RNF212: variants seen among roughly 807,000 people sequenced by gnomAD.
RNF212 encodes ring finger protein 212.
Under a neutral mutation model 34.7 loss-of-function variants are expected in RNF212, and 33 were observed. The ratio of observed to expected loss-of-function variants is 0.95; its 90% CI spans 0.72 to 1.27. RNF212 has a LOEUF of 1.27. Among genes scored for constraint, RNF212 ranks in the 50% most tolerant of loss-of-function variants. The probability of loss-of-function intolerance (pLI) is 0.00; values close to 1 mark genes in which losing one functional copy is unlikely to be tolerated. For missense variants in RNF212, 377 were observed against 362.2 expected, an observed-to-expected ratio of 1.04 and a Z score of -0.33; for synonymous variants, 140 against 136.1, an observed-to-expected ratio of 1.03 and a Z score of -0.20.
downstream of RNF212, among the ~76,000 whole-genome samples, chr4:1,069,384 T>TG (rs898766603): frequency 6.6e-6 from 1 of 152,108 alleles, no homozygotes; most frequent in Non-Finnish European, 1.5e-5. Context: ...GGTTGATTGT[T>TG]GGGGGGTGAG....
chr4:1,091,971 T>C lies in RNF212; in HGVS notation c.247-1133A>G, dbSNP rs1394296196. ...CCCTGACCCCAGCTCTTGTGCACAT[T>C]GCAGGCCATGGCCAGGGCACCTTTC... is the stretch of plus-strand genomic sequence containing the variant. On this transcript the variant is annotated intron_variant, in intron 3 of 9. Transcript: ENST00000433731. Among the ~76,000 whole-genome samples the C allele has an allele frequency of 3.3e-5, 5 of 152,176 alleles. No homozygotes were observed. In the East Asian group the frequency reaches 7.7e-4, roughly 23 times the overall value.
rs749217008 is a variant in RNF212, at chr4:1,096,745, C to T, written c.246+20G>A. 1 of 1,586,372 alleles carries T rather than the reference C, an allele frequency of 6.3e-7. No homozygotes were observed. Among genetic ancestry groups the T allele is most frequent in the South Asian group, 1.1e-5 (1 of 90,332 alleles). ...GCACCTGGCTCATCACGGAACCAAG[C>T]CACACCCCTCACAGCTCACCTGGGA... On this transcript the variant is annotated intron_variant, in intron 3 of 9. Coordinates refer to ENST00000433731, the MANE Select transcript of RNF212 (RefSeq NM_001131034.4).
intron 8 of RNF212, 41 bp from the exon 9 acceptor site, chr4:1,073,703 T>G: frequency 7.0e-7 from 1 of 1,432,940 alleles, no homozygotes; most frequent in Non-Finnish European, 9.8e-7. Context: ...AATTCCAATA[T>G]TGCGGCTTAC....
intron 4 of RNF212, among the ~76,000 whole-genome samples, chr4:1,057,634 T>C (rs1159688510): frequency 2.0e-5 from 3 of 152,150 alleles, no homozygotes; most frequent in Admixed American, 6.5e-5. Context: ...CCAAACATAT[T>C]TACTACCTGC....
chr4:1,101,593 T>C, intron 2 of RNF212: 1 of 164,438 alleles, frequency 6.1e-6, no homozygotes, highest in Admixed American at 6.1e-5. Flanking sequence ...GGTCAATAGT[T>C]ATAGAAAAAT....
chr4:1,097,240 G>C (rs750089566), intron 2 of RNF212, among the ~76,000 whole-genome samples: 5 of 152,192 alleles, frequency 3.3e-5, no homozygotes, highest in Admixed American at 6.5e-5. Flanking sequence ...CCACTATGTA[G>C]TCACAAGTAC....
chr4:1,109,953 C>G (rs376980863), intron 1 of RNF212, among the ~76,000 whole-genome samples: 10 of 152,274 alleles, frequency 6.6e-5, no homozygotes, highest in African/African-American at 2.4e-4. Context: ...TCAAGTTGCC[C>G]TCATGCTAAA....
intron 4 of RNF212, among the ~76,000 whole-genome samples, chr4:1,088,943 A>G (rs1234749359): frequency 6.6e-6 from 1 of 152,260 alleles, no homozygotes; most frequent in East Asian, 1.9e-4. Context: ...AAATGCCTGG[A>G]TGTCCAGGCA....
chr4:1,097,559 T>C (rs1723256044), intron 2 of RNF212, among the ~76,000 whole-genome samples: 1 of 151,412 alleles, frequency 6.6e-6, no homozygotes, highest in African/African-American at 2.4e-5. Context: ...GAGCCGAGAT[T>C]ACGCCACTGC....
At position 1,102,777 on chromosome 4, in the gene RNF212, G is replaced by A. The variant is rs192587106; in HGVS notation, c.171+5566C>T. 5.1e-3 allele frequency among the ~76,000 whole-genome samples: 775 copies of A among 152,096 alleles called. 5 individuals carry two copies. Among genetic ancestry groups the A allele is most frequent in the African/African-American group, 0.018 (733 of 41,484 alleles). ...TGAGGCAGGGGAATGGCGTGAACCCGGGAGGTGGAGCTTGCAGTGAGCCAA... is the reference window on the plus strand; with the variant it reads ...TGAGGCAGGGGAATGGCGTGAACCCAGGAGGTGGAGCTTGCAGTGAGCCAA... On this transcript the variant is annotated intron_variant, in intron 2 of 9. Coordinates refer to ENST00000433731, the MANE Select transcript of RNF212 (RefSeq NM_001131034.4).
intron 1 of RNF212, among the ~76,000 whole-genome samples, chr4:1,109,853 G>A (rs1430604469): frequency 3.3e-5 from 5 of 152,120 alleles, no homozygotes; most frequent in African/African-American, 9.7e-5. Flanking sequence ...CTCAGTGTCC[G>A]CAGCTCCCAG....
intron 2 of RNF212, among the ~76,000 whole-genome samples, chr4:1,099,259 A>G (rs953535439): frequency 6.6e-6 from 1 of 152,236 alleles, no homozygotes; most frequent in Non-Finnish European, 1.5e-5. Context: ...ATGTGCTTCA[A>G]GAAAAAGACA....
At chr4:1,085,553 C>T (rs1269411778) in intron 5 of RNF212, among the ~76,000 whole-genome samples, 2 of 152,238 alleles carry the variant, frequency 1.3e-5, no homozygotes, top group African/African-American at 4.8e-5. Context: ...GGTGGAGTCC[C>T]GCAGTCCCTG....
chr4:1,074,484 C>G (rs749717035), intron 8 of RNF212, among the ~76,000 whole-genome samples: 20 of 152,170 alleles, frequency 1.3e-4, no homozygotes, highest in Non-Finnish European at 2.1e-4. Flanking sequence ...ATCCACAGGC[C>G]CTTCCAGTAC....
chr4:1,075,179 C>A (rs1012420133), intron 8 of RNF212, among the ~76,000 whole-genome samples: 1 of 152,190 alleles, frequency 6.6e-6, no homozygotes, highest in Non-Finnish European at 1.5e-5. Flanking sequence ...GGGCTGTGTA[C>A]GCATCGGTGT....
At chr4:1,092,670 T>G (rs972550055) in intron 3 of RNF212, among the ~76,000 whole-genome samples, 1 of 152,196 alleles carries the variant, frequency 6.6e-6, no homozygotes, top group African/African-American at 2.4e-5. Flanking sequence ...AACAGGTCAA[T>G]GAAATCATTG....
At chr4:1,109,077 G>T (rs913168223) in intron 1 of RNF212, among the ~76,000 whole-genome samples, 1 of 144,794 alleles carries the variant, frequency 6.9e-6, no homozygotes, top group African/African-American at 2.5e-5. Context: ...ACGCGATCTT[G>T]GCTCACTGCA....
chr4:1,074,398 A>C (rs1718941357), intron 8 of RNF212, among the ~76,000 whole-genome samples: 1 of 152,086 alleles, frequency 6.6e-6, no homozygotes, highest in Non-Finnish European at 1.5e-5. Context: ...GCCGCCATCA[A>C]CTGTGCCCCG....
intron 3 of RNF212, among the ~76,000 whole-genome samples, chr4:1,063,895 A>G (rs889366488): frequency 1.2e-4 from 18 of 151,908 alleles, no homozygotes; most frequent in African/African-American, 4.1e-4. Context: ...AAAAAAACCA[A>G]TATTAATAAT....
Sources: allele counts gnomAD v4.1 joint callset (sites outside exome capture counted in the v4.1 genomes callset), GRCh38; gene constraint gnomAD v4.1.1; transcripts MANE v1.5; gene names NCBI Gene and HGNC (gene_info 2026-07-23, HGNC 2026-07-21).